BRSK2: variants seen among roughly 807,000 people sequenced by gnomAD.
The protein encoded by BRSK2 is BR serine/threonine kinase 2.
In BRSK2, 19 loss-of-function variants were observed where a neutral mutation model predicts 83.3. The ratio of observed to expected loss-of-function variants is 0.23; its 90% CI spans 0.16 to 0.33. The LOEUF (loss-of-function observed/expected upper bound fraction) is 0.33. Ranked by LOEUF, BRSK2 falls within the 10% of genes least tolerant of loss-of-function variation. The probability of loss-of-function intolerance (pLI) is 1.00; values close to 1 mark genes in which losing one functional copy is unlikely to be tolerated. For synonymous variants in BRSK2, 519 were observed against 435.4 expected (o/e 1.19, Z -2.39); for missense variants, 798 against 1,042.3 (o/e 0.77, Z 3.23).
intron 2 of BRSK2, among the ~76,000 whole-genome samples, chr11:1,437,019 CT>C (rs976919441): frequency 1.2e-4 from 18 of 151,804 alleles, no homozygotes; most frequent in African/African-American, 4.3e-4. Flanking sequence ...GGGTTAAGGG[CT>C]GCTGAGGGCT....
chr11:1,404,876 C>T (rs1846730941), intron 1 of BRSK2, among the ~76,000 whole-genome samples: 1 of 152,140 alleles, frequency 6.6e-6, no homozygotes, highest in Admixed American at 6.5e-5. Flanking sequence ...CACTCCCGCT[C>T]TGTGGGAGGG....
chr11:1,397,442 G>A (rs997515082), intron 1 of BRSK2, among the ~76,000 whole-genome samples: 2 of 152,230 alleles, frequency 1.3e-5, no homozygotes, highest in African/African-American at 4.8e-5. Flanking sequence ...ACAGAGCAGT[G>A]CTCCCGAAAG....
chr11:1,437,485 C>T (rs1369209762), intron 2 of BRSK2, among the ~76,000 whole-genome samples: 1 of 152,194 alleles, frequency 6.6e-6, no homozygotes, highest in Admixed American at 6.5e-5. Flanking sequence ...GGGCCCTGCC[C>T]TTACCTCGGA....
At chr11:1,443,713 G>GAC in intron 8 of BRSK2, 78 bp downstream of exon 8, 1 of 1,366,274 alleles carries the variant, frequency 7.3e-7, no homozygotes, top group Non-Finnish European at 9.6e-7. Context: ...TGTGTGCACA[G>GAC]GTGTGTGCCC....
At chr11:1,413,952 G>T (rs1847829539) in intron 1 of BRSK2, among the ~76,000 whole-genome samples, 3 of 152,210 alleles carry the variant, frequency 2.0e-5, no homozygotes, top group Admixed American at 2.0e-4. Flanking sequence ...CTCCCACACT[G>T]GACACACAGC....
chr11:1,447,041 T>C (rs913436008), intron 12 of BRSK2, among the ~76,000 whole-genome samples: 1 of 152,008 alleles, frequency 6.6e-6, no homozygotes, highest in Non-Finnish European at 1.5e-5. Context: ...TTCTGGCAGC[T>C]CCCAGGCCAT....
intron 1 of BRSK2, among the ~76,000 whole-genome samples, chr11:1,429,407 G>GTGTGCACTGGT (rs1554897926): frequency 0.021 from 2,189 of 106,598 alleles, 75 homozygotes; most frequent in African/African-American, 0.031. Context: ...TAGGCACAGG[G>GTGTGCACTGGT]GTGTGCACGC....
chr11:1,436,215 G>T, intron 2 of BRSK2, 81 bp downstream of exon 2: 1 of 655,292 alleles, frequency 1.5e-6, no homozygotes. Context: ...CAAGGTTGTG[G>T]GGACCTGCGG....
intron 1 of BRSK2, among the ~76,000 whole-genome samples, chr11:1,429,624 T>C (rs75468612): frequency 0.016 from 797 of 50,548 alleles, 45 homozygotes; most frequent in African/African-American, 0.073. Context: ...GCCACTGTGC[T>C]CAGCAGTGAG....
rs1267635689 is a variant in BRSK2 at position 1,438,337 on chromosome 11, T to C, written c.218T>C (p.Ile73Thr). 9.3e-6 allele frequency: 15 copies of C among 1,613,962 alleles called. No individual in the cohort carries two copies. Among genetic ancestry groups the C allele is most frequent in the East Asian group, 2.2e-5 (1 of 44,884 alleles). ...VEREIAILKL[I>T]EHPHVLKLHD... ...CGGGAGATCGCGATCCTGAAGCTCA[T>C]TGAGCACCCCCACGTCCTAAAGCTG... The change falls in exon 3 of 20, where the codon ATT becomes ACT. Residue 73 changes from isoleucine to threonine, a missense_variant. Ile to Thr is a moderately conservative substitution (Grantham distance 89). Transcript: ENST00000528841. The surrounding 1 kb of genome is among the most constrained non-coding windows in gnomAD (Gnocchi z 6.4).
chr11:1,396,339 C>T (rs1270658446), intron 1 of BRSK2, among the ~76,000 whole-genome samples: 1 of 151,180 alleles, frequency 6.6e-6, no homozygotes, highest in Non-Finnish European at 1.5e-5. Flanking sequence ...GCCAGCAAGG[C>T]CTGTACCCCA....
rs758270569 is a variant in BRSK2 at position 1,456,395 on chromosome 11, C to T, written c.1716C>T (p.Ala572=). Residue 572 remains alanine, a synonymous_variant, in exon 17 of 20, where the codon GCC becomes GCT. Coordinates refer to ENST00000528841, the MANE Select transcript of BRSK2 (RefSeq NM_001256627.2). The part of the protein sequence containing the change: ...HSVISQTSFR[A]EYKATGGPAV... The stretch of plus-strand genomic sequence containing the variant: ...TCATCTCCCAAACGAGCTTCCGGGC[C>T]GAGTACAAGGCCACGGGGGGGCCAG... The T allele has an allele frequency of 1.8e-5, 29 of 1,600,874 alleles. No individual in the cohort carries two copies. Among genetic ancestry groups the T allele is most frequent in the Admixed American group, 1.7e-4 (10 of 58,136 alleles).
At chr11:1,428,403 T>C (rs575562970) in intron 1 of BRSK2, among the ~76,000 whole-genome samples, 2 of 152,316 alleles carry the variant, frequency 1.3e-5, no homozygotes, top group Admixed American at 1.3e-4. Context: ...AGGAATGCCT[T>C]CTTCCATGTG....
intron 19 of BRSK2, 95 bp from the exon 20 acceptor site, chr11:1,460,405 T>G: frequency 1.0e-6 from 1 of 971,562 alleles, no homozygotes; most frequent in East Asian, 3.7e-5. Context: ...TTGTTTGTTC[T>G]CTTTCTCTCT....
chr11:1,457,968 C>G (rs776845959), intron 18 of BRSK2, among the ~76,000 whole-genome samples: 1 of 152,172 alleles, frequency 6.6e-6, no homozygotes, highest in Non-Finnish European at 1.5e-5. Context: ...TGCTCGGCCC[C>G]GCAGGTACAC....
intron 3 of BRSK2, 114 bp from the exon 4 acceptor site, chr11:1,440,674 G>T: frequency 7.2e-7 from 1 of 1,381,252 alleles, no homozygotes; most frequent in Admixed American, 2.3e-5. Flanking sequence ...CCAGCAAGAG[G>T]ATGGGGGCGG....
chr11:1,397,332 G>A (rs373110923), intron 1 of BRSK2, among the ~76,000 whole-genome samples: 8 of 152,198 alleles, frequency 5.3e-5, no homozygotes, highest in South Asian at 2.1e-4. Flanking sequence ...GTGCCAAGCC[G>A]GCTGCCTTTC....
At chr11:1,392,428 G>A (rs998580031) in intron 1 of BRSK2, among the ~76,000 whole-genome samples, 4 of 152,228 alleles carry the variant, frequency 2.6e-5, no homozygotes, top group African/African-American at 4.8e-5. Flanking sequence ...CCCCTTCCCC[G>A]TGTCTGTGGC....
At chr11:1,444,499 C>T (rs1455135831) in intron 8 of BRSK2, among the ~76,000 whole-genome samples, 9 of 152,130 alleles carry the variant, frequency 5.9e-5, no homozygotes, top group Non-Finnish European at 1.0e-4. Flanking sequence ...GCACCCAGCC[C>T]TGCCCCGCCG....
Sources: allele counts gnomAD v4.1 joint callset (sites outside exome capture counted in the v4.1 genomes callset), GRCh38; gene constraint gnomAD v4.1.1; non-coding constraint Gnocchi (gnomAD v3.1); transcripts MANE v1.5; gene names NCBI Gene and HGNC (gene_info 2026-07-23, HGNC 2026-07-21).